The following SLTM variants were observed in gnomAD, a reference collection of about 807,000 sequenced individuals.
SLTM encodes SAFB like transcription modulator.
In SLTM, 43 loss-of-function variants were observed where a neutral mutation model predicts 134.6. The ratio of observed to expected loss-of-function variants is 0.32; its 90% CI spans 0.25 to 0.41. SLTM has a LOEUF of 0.41. Among genes scored for constraint, SLTM ranks in the 10% least tolerant of loss-of-function variants. The pLI is 1.00. For synonymous variants in SLTM, 424 were observed against 432.3 expected (o/e 0.98, Z 0.24); for missense variants, 1,055 against 1,288.8 (o/e 0.82, Z 2.78).
intron 4 of SLTM, 128 bp downstream of exon 4, chr15:58,913,371 T>C (rs1478585821): frequency 4.0e-5 from 30 of 742,066 alleles, no homozygotes; most frequent in Admixed American, 1.9e-4. Flanking sequence ...TTAGATGACT[T>C]ATAAGTAGCT....
intron 2 of SLTM, among the ~76,000 whole-genome samples, chr15:58,918,335 C>T (rs1285154006): frequency 2.6e-5 from 4 of 152,114 alleles, no homozygotes; most frequent in Non-Finnish European, 5.9e-5. Context: ...AGTGCTACTA[C>T]CTAGTTCAAG....
chr15:58,887,627 TA>T, intron 17 of SLTM, 87 bp from the exon 18 acceptor site: 1 of 1,508,654 alleles, frequency 6.6e-7, no homozygotes, highest in South Asian at 1.4e-5. Flanking sequence ...TAACCTACAA[TA>T]ATGAAACCAA....
At chr15:58,893,800 T>C (rs141721501) in intron 12 of SLTM, 21 bp downstream of exon 12, 7 of 1,586,450 alleles carry the variant, frequency 4.4e-6, no homozygotes, top group South Asian at 3.5e-5. Context: ...TAGAAAGGGA[T>C]TGAAAAGATG....
chr15:58,930,762 A>G (rs2037822234), intron 2 of SLTM, among the ~76,000 whole-genome samples: 1 of 148,606 alleles, frequency 6.7e-6, no homozygotes, highest in Non-Finnish European at 1.5e-5. Flanking sequence ...TATAATCTAT[A>G]TATCATATAT....
At chr15:58,904,917 G>A (rs1246035828) in intron 5 of SLTM, among the ~76,000 whole-genome samples, 1 of 152,040 alleles carries the variant, frequency 6.6e-6, no homozygotes, top group African/African-American at 2.4e-5. Flanking sequence ...CACCTTGTTG[G>A]CCAAGATGGT....
At chr15:58,913,167 C>G (rs916921543) in intron 4 of SLTM, among the ~76,000 whole-genome samples, 29 of 152,030 alleles carry the variant, frequency 1.9e-4, no homozygotes, top group Non-Finnish European at 4.4e-5. Flanking sequence ...AGCCTTAAAA[C>G]TTAAAATGTC....
At position 58,894,516 on chromosome 15, in the gene SLTM, T is replaced by C. The variant is rs776353367; in HGVS notation, c.1294A>G (p.Met432Val). The change falls in exon 10 of 21, where the codon ATG becomes GTG. Residue 432 changes from methionine (M) to valine (V), a missense_variant. Transcript: ENST00000380516. The stretch of plus-strand genomic sequence containing the variant: ...CTGGACACCTCTGTGCTTGAAGACA[T>C]AGTTACAATGCCATAGCATTTTGCC... ...PGAKCYGIVT[M>V]SSSTEVSRCI... 15 of 1,614,154 alleles carry C rather than the reference T, an allele frequency of 9.3e-6. No homozygotes were observed. Among genetic ancestry groups the C allele is most frequent in the South Asian group, 2.2e-5 (2 of 91,084 alleles).
chr15:58,933,620 C>G lies in SLTM; in HGVS notation c.-55G>C. 6.8e-7 allele frequency: 1 copy of G among 1,471,144 alleles called. No homozygotes were observed. The highest frequency in any genetic ancestry group is 2.8e-5 in the East Asian group (1 of 35,640). The allele number at this position is 1,471,144 out of a possible 1,614,324, so 91.1% of individuals were successfully genotyped here. A position where few individuals can be genotyped will look rare whatever the true frequency, so the allele number is the denominator to read the frequency against. On this transcript the variant is annotated 5_prime_UTR_variant, in exon 1 of 21. Transcript: ENST00000380516. ...CGAGTGGGCTGCAGGGCGGCGGCAG[C>G]AGCGCCAACTTCCACCCAGGCCTCG...
chr15:58,924,867 G>A (rs1235300621), intron 2 of SLTM, among the ~76,000 whole-genome samples: 2 of 152,042 alleles, frequency 1.3e-5, no homozygotes, highest in Non-Finnish European at 2.9e-5. Context: ...TATCGCCCAG[G>A]GTGGAGTGCA....
chr15:58,883,200 A>T (rs2033884492), intron 20 of SLTM, among the ~76,000 whole-genome samples: 1 of 152,198 alleles, frequency 6.6e-6, no homozygotes, highest in African/African-American at 2.4e-5. Flanking sequence ...CTGTAATCCC[A>T]GCTACTTGGG....
In SLTM at chr15:58,933,519, T is replaced by C; in HGVS notation, c.47A>G (p.Gln16Arg). The C allele has an allele frequency of 6.3e-7, 1 of 1,596,714 alleles. No individual in the cohort carries two copies. Among genetic ancestry groups the C allele is most frequent in the Non-Finnish European group, 8.5e-7 (1 of 1,172,648 alleles). Residue 16 changes from glutamine (Q) to arginine (R), a missense_variant, in exon 1 of 21, where the codon CAG becomes CGG. By Grantham distance (43) the Gln-to-Arg change is conservative. Around this residue, in one of 3 missense-constraint regions of SLTM, gnomAD observed 268 missense variants for 284.3 expected, o/e 0.94. Coordinates refer to ENST00000380516, the MANE Select transcript of SLTM (RefSeq NM_024755.4). ...GAVAASAASGQAEGKKITDLR... is the reference protein window; with the variant it reads ...GAVAASAASGRAEGKKITDLR... Reference sequence around the variant, plus strand: ...ATCGGTGATCTTTTTACCTTCCGCCTGACCCGAGGCGGCCGAGGCTGCCAC... The same window carrying C: ...ATCGGTGATCTTTTTACCTTCCGCCCGACCCGAGGCGGCCGAGGCTGCCAC...
intron 19 of SLTM, among the ~76,000 whole-genome samples, chr15:58,885,082 A>G (rs2034069972): frequency 6.6e-6 from 1 of 152,250 alleles, no homozygotes. Flanking sequence ...TGATCAGCCT[A>G]TCAGGACAAC....
chr15:58,893,196 GC>G (rs2034801390), intron 13 of SLTM, 82 bp downstream of exon 13: 6 of 1,423,136 alleles, frequency 4.2e-6, no homozygotes, highest in Admixed American at 2.1e-5. Context: ...ATGCAAGTAC[GC>G]AAAGATGGTT....
chr15:58,891,442 T>C (rs1366314312), intron 14 of SLTM, among the ~76,000 whole-genome samples: 1 of 152,210 alleles, frequency 6.6e-6, no homozygotes, highest in Non-Finnish European at 1.5e-5. Context: ...TTTGCTTTGA[T>C]ATTATTTCTA....
Position 58,879,956 on chromosome 15 carries a change from G to C in SLTM, c.*43C>G. On this transcript the variant is annotated 3_prime_UTR_variant, in exon 21 of 21. Coordinates refer to ENST00000380516, the MANE Select transcript of SLTM (RefSeq NM_024755.4). ...AAGTAGTCAAGTAAAGTTTACAGGA[G>C]ATTTCAATAAATTATCTTAAAACCT... 2 of 1,602,370 alleles carry C rather than the reference G, an allele frequency of 1.2e-6. No individual in the cohort carries two copies. Among genetic ancestry groups the C allele is most frequent in the Admixed American group, 3.4e-5 (2 of 58,598 alleles).
intron 2 of SLTM, among the ~76,000 whole-genome samples, chr15:58,925,078 A>AT (rs1418938935): frequency 6.6e-6 from 1 of 151,830 alleles, no homozygotes; most frequent in Non-Finnish European, 1.5e-5. Context: ...AATGTTAAAA[A>AT]AAAAAAAAAA....
intron 2 of SLTM, among the ~76,000 whole-genome samples, chr15:58,927,355 T>C (rs1213056932): frequency 2.0e-5 from 3 of 152,184 alleles, no homozygotes; most frequent in African/African-American, 7.2e-5. Context: ...CTGCAACCTC[T>C]GCCTCCCAGG....
In SLTM at chr15:58,889,425, A is replaced by T; in HGVS notation, c.2204+5T>A. On this transcript the variant is annotated splice_donor_5th_base_variant and intron_variant, in intron 16 of 20. Coordinates refer to ENST00000380516, the MANE Select transcript of SLTM (RefSeq NM_024755.4). The stretch of plus-strand genomic sequence containing the variant: ...TAACTGTTAAGGAATAAAATGAGTA[A>T]CTACCTATGATCTACATCACGTGGG... The T allele has an allele frequency of 1.2e-6, 2 of 1,613,682 alleles. No individual in the cohort carries two copies.
At chr15:58,897,924 A>C (rs771039580) in intron 8 of SLTM, 1 of 152,136 alleles carries the variant, frequency 6.6e-6, no homozygotes, top group Non-Finnish European at 1.5e-5. Context: ...ATATCTTAGG[A>C]TACAGGCCTA....
Sources: allele counts gnomAD v4.1 joint callset (sites outside exome capture counted in the v4.1 genomes callset), GRCh38; gene constraint gnomAD v4.1.1; regional missense constraint gnomAD v4.1.1; transcripts MANE v1.5; gene names NCBI Gene and HGNC (gene_info 2026-07-23, HGNC 2026-07-21).